CDH4: variants seen among roughly 807,000 people sequenced by gnomAD.
The protein encoded by CDH4 is cadherin-4.
In CDH4, 33 loss-of-function variants were observed where a neutral mutation model predicts 86.0. The observed-to-expected ratio is 0.38, with a 90% CI of 0.29 to 0.51. The LOEUF (loss-of-function observed/expected upper bound fraction) is 0.51. Among genes scored for constraint, CDH4 ranks in the 20% least tolerant of loss-of-function variants. The pLI is 0.86. For missense variants in CDH4, 1,114 were observed against 1,307.4 expected, an observed-to-expected ratio of 0.85 and a Z score of 2.28; for synonymous variants, 555 against 549.4, an observed-to-expected ratio of 1.01 and a Z score of -0.14.
intron 2 of CDH4, among the ~76,000 whole-genome samples, chr20:61,583,992 CTACAAAAAAA>C (rs1157134145): frequency 3.3e-5 from 5 of 152,066 alleles, no homozygotes; most frequent in Non-Finnish European, 7.4e-5. Flanking sequence ...AACCCTGTGT[CTACAAAAAAA>C]TACAAAAATT....
chr20:61,546,976 C>T (rs752241104), intron 2 of CDH4, among the ~76,000 whole-genome samples: 1 of 152,058 alleles, frequency 6.6e-6, no homozygotes, highest in Non-Finnish European at 1.5e-5. Context: ...AAGCAGACAG[C>T]AGTGATGGGC....
chr20:61,460,892 C>G (rs1035551412), intron 2 of CDH4, among the ~76,000 whole-genome samples: 3 of 152,136 alleles, frequency 2.0e-5, no homozygotes, highest in Admixed American at 2.0e-4. Flanking sequence ...TACTGTTATT[C>G]CCTGGTGGCT....
intron 7 of CDH4, among the ~76,000 whole-genome samples, chr20:61,887,465 G>A (rs1600739127): frequency 2.0e-5 from 3 of 152,184 alleles, no homozygotes; most frequent in African/African-American, 7.2e-5. Context: ...ACACATACAC[G>A]TGTGTATACA....
rs573166472 is a variant in CDH4 at position 61,920,736 on chromosome 20, TGTG to T, written c.1375-2711_1375-2709del. ...TCACGGTGATTGCATGGAAGCGTGG[TGTG>T]GTGATTGCATGGAAGCATGGTGTCA... On this transcript the variant is annotated intron_variant, in intron 9 of 15. Transcript: ENST00000614565. 2.4e-3 allele frequency among the ~76,000 whole-genome samples: 352 copies of T among 145,404 alleles called. 3 individuals carry two copies. Among genetic ancestry groups the T allele is most frequent in the South Asian group, 0.011 (50 of 4,398 alleles).
chr20:61,386,796 G>A (rs1322933155), intron 2 of CDH4, among the ~76,000 whole-genome samples: 2 of 152,244 alleles, frequency 1.3e-5, no homozygotes, highest in Non-Finnish European at 2.9e-5. Flanking sequence ...GTGCCTTCAG[G>A]AAACAGAGAG....
intron 2 of CDH4, among the ~76,000 whole-genome samples, chr20:61,625,517 A>G (rs1410655079): frequency 2.6e-5 from 4 of 152,224 alleles, no homozygotes; most frequent in Non-Finnish European, 5.9e-5. Flanking sequence ...TATTAGGGTC[A>G]GGAATAACGA....
At chr20:61,512,154 G>T (rs533856108) in intron 2 of CDH4, among the ~76,000 whole-genome samples, 13 of 152,178 alleles carry the variant, frequency 8.5e-5, no homozygotes, top group African/African-American at 2.9e-4. Context: ...CTCCTGTCCT[G>T]CAGCTGGGTT....
chr20:61,532,416 A>G (rs1350981107), intron 2 of CDH4, among the ~76,000 whole-genome samples: 1 of 152,028 alleles, frequency 6.6e-6, no homozygotes, highest in Non-Finnish European at 1.5e-5. Context: ...ATGAAAATGA[A>G]CCTCTTCGGT....
chr20:61,514,659 A>G (rs1488256268), intron 2 of CDH4, among the ~76,000 whole-genome samples: 2 of 152,184 alleles, frequency 1.3e-5, no homozygotes, highest in Non-Finnish European at 2.9e-5. Flanking sequence ...GGCTTGTCAA[A>G]GGGCCATAGG....
At chr20:61,766,879 G>A (rs796492963) in intron 3 of CDH4, among the ~76,000 whole-genome samples, 6 of 152,316 alleles carry the variant, frequency 3.9e-5, no homozygotes, top group African/African-American at 1.4e-4. Flanking sequence ...CAAGTCCCCA[G>A]TGGACTGATT....
chr20:61,901,289 G>T (rs2054723948), intron 8 of CDH4, among the ~76,000 whole-genome samples: 1 of 152,008 alleles, frequency 6.6e-6, no homozygotes, highest in African/African-American at 2.4e-5. Context: ...AAGAGCCACA[G>T]ATCCGACAAT....
intron 2 of CDH4, among the ~76,000 whole-genome samples, chr20:61,327,947 T>C (rs1307127105): frequency 6.6e-6 from 1 of 152,172 alleles, no homozygotes; most frequent in East Asian, 1.9e-4. Context: ...TAACGGATCT[T>C]AACGTGAACA....
chr20:61,410,188 T>G (rs11906280), intron 2 of CDH4, among the ~76,000 whole-genome samples: 29,116 of 152,080 alleles, frequency 0.19, 6,103 homozygotes, highest in African/African-American at 0.53. Context: ...AAAAGAAGAG[T>G]AACTTGTGTT....
chr20:61,761,199 C>T (rs541974778), intron 3 of CDH4, among the ~76,000 whole-genome samples: 1 of 152,214 alleles, frequency 6.6e-6, no homozygotes, highest in Non-Finnish European at 1.5e-5. Flanking sequence ...CAGTAAATAT[C>T]CGTACTAGGT....
At chr20:61,399,856 A>G (rs2085040301) in intron 2 of CDH4, among the ~76,000 whole-genome samples, 2 of 152,176 alleles carry the variant, frequency 1.3e-5, no homozygotes, top group Non-Finnish European at 2.9e-5. Context: ...CTTCCCCGGC[A>G]GGGTCTGAGG....
chr20:61,902,168 G>A lies in CDH4; in HGVS notation c.1188+7121G>A, dbSNP rs924860261. On this transcript the variant is annotated intron_variant, in intron 8 of 15. Transcript: ENST00000614565. This position sits in a 1 kb window ranked among gnomAD's most constrained non-coding sequence, Gnocchi z 4.6. ...TTGGAGTTCCAGAATCGTGAAAGGC[G>A]GGTCCTCGGCAGGCGTGGAGGCATC... Among the ~76,000 whole-genome samples, 2 of 152,328 alleles carry A rather than the reference G, an allele frequency of 1.3e-5. No individual in the cohort carries two copies. The highest frequency in any genetic ancestry group is 2.1e-4 in the South Asian group (1 of 4,828).
At chr20:61,831,039 C>T (rs1661587613) in intron 4 of CDH4, among the ~76,000 whole-genome samples, 1 of 152,084 alleles carries the variant, frequency 6.6e-6, no homozygotes, top group Non-Finnish European at 1.5e-5. Context: ...GCCGGGGTCT[C>T]GCCCCTCCTG....
intron 2 of CDH4, among the ~76,000 whole-genome samples, chr20:61,534,892 G>A (rs1252899354): frequency 6.7e-6 from 1 of 148,802 alleles, no homozygotes; most frequent in Non-Finnish European, 1.5e-5. Context: ...TCAACCCGAT[G>A]GCCTCCCTTG....
intron 4 of CDH4, among the ~76,000 whole-genome samples, chr20:61,800,923 G>A (rs1979796600): frequency 6.6e-6 from 1 of 152,248 alleles, no homozygotes; most frequent in Non-Finnish European, 1.5e-5. Context: ...GGGCCCATCT[G>A]CGCCACACAT....
Sources: allele counts gnomAD v4.1 joint callset (sites outside exome capture counted in the v4.1 genomes callset), GRCh38; gene constraint gnomAD v4.1.1; non-coding constraint Gnocchi (gnomAD v3.1); transcripts MANE v1.5; gene names NCBI Gene and HGNC (gene_info 2026-07-23, HGNC 2026-07-21).